ADCYAP1R1: variants seen among roughly 807,000 people sequenced by gnomAD.
The protein encoded by ADCYAP1R1 is ADCYAP receptor type I.
In ADCYAP1R1, 44 loss-of-function variants were observed where a neutral mutation model predicts 67.6. The observed-to-expected ratio is 0.65, with a 90% CI of 0.51 to 0.84. ADCYAP1R1 has a LOEUF of 0.84. Among genes scored for constraint, ADCYAP1R1 ranks in the 40% least tolerant of loss-of-function variants. ADCYAP1R1 has a pLI of 0.00. For missense variants in ADCYAP1R1, 477 were observed against 587.9 expected, an observed-to-expected ratio of 0.81 and a Z score of 1.95; for synonymous variants, 222 against 219.6, an observed-to-expected ratio of 1.01 and a Z score of -0.10.
intron 6 of ADCYAP1R1, among the ~76,000 whole-genome samples, chr7:31,083,210 A>G (rs1245327959): frequency 6.6e-6 from 1 of 152,248 alleles, no homozygotes; most frequent in Non-Finnish European, 1.5e-5. Flanking sequence ...GGCCACACTC[A>G]GGTGCTGGGC....
intron 2 of ADCYAP1R1, among the ~76,000 whole-genome samples, chr7:31,064,207 C>T (rs1794633967): frequency 6.6e-6 from 1 of 152,216 alleles, no homozygotes; most frequent in Non-Finnish European, 1.5e-5. Context: ...TAAATAGCAG[C>T]ACTGCTCCTT....
chr7:31,081,780 A>G (rs1795523394), intron 6 of ADCYAP1R1, 26 bp downstream of exon 6: 1 of 1,583,252 alleles, frequency 6.3e-7, no homozygotes, highest in Non-Finnish European at 8.6e-7. Flanking sequence ...GGGGTTGACC[A>G]TGGACTGGCT....
intron 1 of ADCYAP1R1, among the ~76,000 whole-genome samples, chr7:31,061,026 G>T (rs927081494): frequency 1.3e-5 from 2 of 152,194 alleles, no homozygotes; most frequent in African/African-American, 2.4e-5. Context: ...TCATACTGGG[G>T]TCAGAGGTTA....
rs140135588 is a variant in ADCYAP1R1, at chr7:31,058,987, T to A, written c.-71-4207T>A. ...CAGGCAGGTTAAATGAGTTAACACA[T>A]GTTTATTGCTTGGAAGAGTGTCTGG... On this transcript the variant is annotated intron_variant, in intron 1 of 15. Transcript: ENST00000304166. 8.7e-3 allele frequency among the ~76,000 whole-genome samples: 1,319 copies of A among 152,306 alleles called. 11 individuals carry two copies. Among genetic ancestry groups the A allele is most frequent in the Non-Finnish European group, 0.014 (927 of 68,026 alleles).
At chr7:31,075,101 C>T (rs1795153093) in intron 3 of ADCYAP1R1, among the ~76,000 whole-genome samples, 1 of 152,186 alleles carries the variant, frequency 6.6e-6, no homozygotes, top group Non-Finnish European at 1.5e-5. Context: ...CCAGCACCTT[C>T]CCAGGGGTCC....
At chr7:31,072,534 A>T (rs917492382) in intron 3 of ADCYAP1R1, among the ~76,000 whole-genome samples, 1 of 152,112 alleles carries the variant, frequency 6.6e-6, no homozygotes, top group Non-Finnish European at 1.5e-5. Flanking sequence ...CCCTGCTGCC[A>T]TTGCTCCAAA....
Position 31,087,642 on chromosome 7 carries a change from T to C in ADCYAP1R1, c.900T>C (p.Asn300=). Residue 300 remains asparagine, a synonymous_variant, in exon 12 of 16, where the codon AAT becomes AAC. Coordinates refer to ENST00000304166, the MANE Select transcript of ADCYAP1R1 (RefSeq NM_001118.5). ...CATCTTTCAGCTGCTGGGATATGAA[T>C]GACAGCACAGCTCTGTGGTGGGTGA... is the stretch of plus-strand genomic sequence containing the variant. The part of the protein sequence containing the change: ...YFDDTGCWDM[N]DSTALWWVIK... 9.3e-6 allele frequency: 15 copies of C among 1,614,064 alleles called. No individual in the cohort carries two copies. The highest frequency in any genetic ancestry group is 1.3e-5 in the Non-Finnish European group (15 of 1,179,962).
At chr7:31,087,526 G>A (rs1321487066) in intron 11 of ADCYAP1R1, 101 bp from the exon 12 acceptor site, 1 of 998,980 alleles carries the variant, frequency 1.0e-6, no homozygotes, top group African/African-American at 1.6e-5. Flanking sequence ...GAGCTGCGGT[G>A]GTGAAAGTGT....
rs1342864706 is a variant in ADCYAP1R1 at position 31,103,288 on chromosome 7, C to T, written c.1098C>T (p.Tyr366=). The change falls in exon 14 of 16, where the codon TAC becomes TAT. Residue 366 remains tyrosine (Y), a synonymous_variant. Transcript: ENST00000304166. ...TCATCCCACTATTCGGAATCCACTACACAGTATTTGCCTTCTCCCCAGAGA... is the reference window on the plus strand; with the variant it reads ...TCATCCCACTATTCGGAATCCACTATACAGTATTTGCCTTCTCCCCAGAGA... ...LLLIPLFGIH[Y]TVFAFSPENV... is the part of the protein sequence containing the mutation. 1 of 1,614,194 alleles carries T rather than the reference C, an allele frequency of 6.2e-7. No homozygotes were observed. The highest frequency in any genetic ancestry group is 1.1e-5 in the South Asian group (1 of 91,082).
intron 3 of ADCYAP1R1, among the ~76,000 whole-genome samples, chr7:31,065,374 G>T (rs1042991316): frequency 1.3e-5 from 2 of 152,090 alleles, no homozygotes; most frequent in African/African-American, 4.8e-5. Flanking sequence ...AGAAGCCAGA[G>T]AAGAAAGCAG....
intron 3 of ADCYAP1R1, among the ~76,000 whole-genome samples, chr7:31,077,155 C>G (rs1304302584): frequency 6.6e-6 from 1 of 152,232 alleles, no homozygotes. Context: ...CCTTGCCTTT[C>G]CTCTCCTAAA....
intron 1 of ADCYAP1R1, among the ~76,000 whole-genome samples, chr7:31,060,503 T>G (rs1584475424): frequency 6.7e-6 from 1 of 149,846 alleles, no homozygotes; most frequent in Non-Finnish European, 1.5e-5. Context: ...GTGTGTGTGG[T>G]GTGTGTGTGT....
At chr7:31,085,638 C>T (rs1035406406) in intron 9 of ADCYAP1R1, among the ~76,000 whole-genome samples, 196 bp downstream of exon 9, 15 of 152,140 alleles carry the variant, frequency 9.9e-5, no homozygotes, top group African/African-American at 3.4e-4. Context: ...AGCCAATGTA[C>T]GACATCACTT....
chr7:31,086,363 C>T lies in ADCYAP1R1; in HGVS notation c.670-21C>T, dbSNP rs1311462576. On this transcript the variant is annotated intron_variant, in intron 9 of 15. Coordinates refer to ENST00000304166, the MANE Select transcript of ADCYAP1R1 (RefSeq NM_001118.5). This position sits in a 1 kb window ranked among gnomAD's most constrained non-coding sequence, Gnocchi z 5.0. ...GTTCCTGTTGGGCTCACGCCCCTCA[C>T]CCTGGCGCTTCTCCCTGCAGGTGGA... is the stretch of plus-strand genomic sequence containing the variant. 1 of 1,612,264 alleles carries T rather than the reference C, an allele frequency of 6.2e-7. No homozygotes were observed. Among genetic ancestry groups the T allele is most frequent in the Non-Finnish European group, 8.5e-7 (1 of 1,179,424 alleles).
In ADCYAP1R1 at chr7:31,087,022, G is replaced by T. The variant is rs1795776105; in HGVS notation, c.884+19G>T. ...ACACAGGGTTAGTACATGCGCGAGAGTCAGGGCCACAGCACAGAGTAGATT... is the reference window on the plus strand; with the variant it reads ...ACACAGGGTTAGTACATGCGCGAGATTCAGGGCCACAGCACAGAGTAGATT... On this transcript the variant is annotated intron_variant, in intron 11 of 15. Coordinates refer to ENST00000304166, the MANE Select transcript of ADCYAP1R1 (RefSeq NM_001118.5). The T allele has an allele frequency of 3.1e-6, 5 of 1,613,948 alleles. No individual in the cohort carries two copies. The highest frequency in any genetic ancestry group is 4.2e-6 in the Non-Finnish European group (5 of 1,179,936).
At position 31,097,578 on chromosome 7, in the gene ADCYAP1R1, C is replaced by T. The variant is rs561955012; in HGVS notation, c.1046+4843C>T. Among the ~76,000 whole-genome samples, 4 of 152,278 alleles carry T rather than the reference C, an allele frequency of 2.6e-5. No individual in the cohort carries two copies. The East Asian group carries it at 7.7e-4, about 29-fold the overall frequency. Reference sequence around the variant, plus strand: ...CTGCCCTCCCTGACCCCCATCAGAGCCACACAACTTTACCAGGTGCAGGGT... The same window carrying T: ...CTGCCCTCCCTGACCCCCATCAGAGTCACACAACTTTACCAGGTGCAGGGT... On this transcript the variant is annotated intron_variant, in intron 13 of 15. Coordinates refer to ENST00000304166, the MANE Select transcript of ADCYAP1R1 (RefSeq NM_001118.5).
chr7:31,077,019 G>A (rs937705880), intron 3 of ADCYAP1R1, among the ~76,000 whole-genome samples: 10 of 152,180 alleles, frequency 6.6e-5, no homozygotes, highest in African/African-American at 2.2e-4. Flanking sequence ...CGGGGGTGTG[G>A]GGCGGTGTAA....
In ADCYAP1R1 at chr7:31,098,390, G is replaced by T. The variant is rs545807452; in HGVS notation, c.1047-4847G>T. ...GAATCATGAAGAAACTTCTCAGATA[G>T]ATGAATACCTCCTAATGGCGCTTCT... On this transcript the variant is annotated intron_variant, in intron 13 of 15. Transcript: ENST00000304166. 3.9e-5 allele frequency among the ~76,000 whole-genome samples: 6 copies of T among 152,320 alleles called. No individual in the cohort carries two copies. In the South Asian group the frequency reaches 1.2e-3, roughly 32 times the overall value.
Position 31,106,728 on chromosome 7 carries a change from A to G in ADCYAP1R1, c.*44A>G. ...TCCTCTCCTCCATCCACAGGCTGGG[A>G]CCGCAGGCAGGTGCCAGCCCACGCA... On this transcript the variant is annotated 3_prime_UTR_variant, in exon 16 of 16. Transcript: ENST00000304166. 1 of 1,535,332 alleles carries G rather than the reference A, an allele frequency of 6.5e-7. No homozygotes were observed. The highest frequency in any genetic ancestry group is 1.4e-5 in the African/African-American group (1 of 72,750).
Sources: gnomAD v4.1 joint callset for allele counts (sites outside exome capture counted in the v4.1 genomes callset) on GRCh38, gnomAD v4.1.1 for gene constraint, Gnocchi (gnomAD v3.1) non-coding constraint, MANE v1.5 for transcripts, NCBI Gene and HGNC (gene_info 2026-07-23, HGNC 2026-07-21) for gene names.